Variants in CNTN5 observed in about 807,000 individuals in gnomAD.
CNTN5 encodes the protein contactin 5.
In CNTN5, 77 loss-of-function variants were observed where a neutral mutation model predicts 129.1. The observed-to-expected ratio is 0.60, with a 90% CI of 0.50 to 0.72. The LOEUF (loss-of-function observed/expected upper bound fraction) is 0.72. CNTN5 is among the 30% of genes least tolerant of loss of function. The probability of loss-of-function intolerance (pLI) is 0.00; values close to 1 mark genes in which losing one functional copy is unlikely to be tolerated. For missense variants in CNTN5, 1,478 were observed against 1,328.8 expected, an observed-to-expected ratio of 1.11 and a Z score of -1.75; for synonymous variants, 509 against 465.6, an observed-to-expected ratio of 1.09 and a Z score of -1.20.
intron 1 of CNTN5, among the ~76,000 whole-genome samples, chr11:99,126,790 A>T (rs1224372092): frequency 6.6e-6 from 1 of 152,172 alleles, no homozygotes; most frequent in African/African-American, 2.4e-5. Flanking sequence ...TCTCTCTAAT[A>T]GATATGTAGA....
intron 18 of CNTN5, among the ~76,000 whole-genome samples, chr11:100,291,633 G>A (rs1218779613): frequency 3.3e-5 from 5 of 151,730 alleles, no homozygotes; most frequent in Admixed American, 2.6e-4. Flanking sequence ...GATAGCATTG[G>A]GAGATATACC....
At chr11:99,643,554 T>C (rs1048474307) in intron 3 of CNTN5, among the ~76,000 whole-genome samples, 10 of 152,144 alleles carry the variant, frequency 6.6e-5, no homozygotes, top group African/African-American at 2.4e-4. Flanking sequence ...ACATATATTA[T>C]TTAGAACAAT....
chr11:99,621,081 G>T (rs183967672), intron 3 of CNTN5, among the ~76,000 whole-genome samples: 1 of 151,988 alleles, frequency 6.6e-6, no homozygotes, highest in African/African-American at 2.4e-5. Flanking sequence ...GTGGTAGAAC[G>T]GGCAACTATA....
At chr11:99,203,423 T>A (rs1859315378) in intron 1 of CNTN5, among the ~76,000 whole-genome samples, 1 of 152,202 alleles carries the variant, frequency 6.6e-6, no homozygotes, top group Non-Finnish European at 1.5e-5. Flanking sequence ...GTTCTGAAAA[T>A]ATAAGGATTT....
At chr11:99,304,723 A>G (rs946855260) in intron 1 of CNTN5, among the ~76,000 whole-genome samples, 16 of 152,200 alleles carry the variant, frequency 1.1e-4, no homozygotes, top group African/African-American at 3.6e-4. Flanking sequence ...CTTGATGTCC[A>G]GTGAGATTAA....
At chr11:99,182,536 C>T in intron 1 of CNTN5, among the ~76,000 whole-genome samples, 1 of 152,016 alleles carries the variant, frequency 6.6e-6, no homozygotes, top group South Asian at 2.1e-4. Context: ...AGGAGCTCTG[C>T]AATGCTGTGA....
chr11:99,032,793 T>C (rs1565261991), intron 1 of CNTN5, among the ~76,000 whole-genome samples: 1 of 148,780 alleles, frequency 6.7e-6, no homozygotes, highest in Non-Finnish European at 1.5e-5. Context: ...ATGTCAATTT[T>C]GGCTTTTGTT....
chr11:100,217,528 T>C (rs1949165433), intron 15 of CNTN5, among the ~76,000 whole-genome samples: 1 of 152,220 alleles, frequency 6.6e-6, no homozygotes, highest in African/African-American at 2.4e-5. Flanking sequence ...TATTACTAGC[T>C]ATTTACAAAG....
intron 13 of CNTN5, among the ~76,000 whole-genome samples, chr11:100,099,746 A>G (rs982483096): frequency 5.3e-5 from 8 of 151,896 alleles, no homozygotes; most frequent in Non-Finnish European, 1.5e-5. Flanking sequence ...TGAAGAATTC[A>G]TCATTATCTC....
At chr11:99,348,187 A>G (rs1938036448) in intron 2 of CNTN5, among the ~76,000 whole-genome samples, 1 of 152,138 alleles carries the variant, frequency 6.6e-6, no homozygotes, top group Non-Finnish European at 1.5e-5. Context: ...AAAATACAAA[A>G]AATTAGCCAG....
At chr11:99,458,607 G>A (rs1245358083) in intron 2 of CNTN5, among the ~76,000 whole-genome samples, 8 of 151,904 alleles carry the variant, frequency 5.3e-5, no homozygotes, top group African/African-American at 1.4e-4. Context: ...TCTGAAAACC[G>A]ATTTCCTTAA....
In CNTN5 at chr11:99,090,024, G is replaced by A. The variant is rs527546249; in HGVS notation, c.-210+68754G>A. 2.4e-4 allele frequency among the ~76,000 whole-genome samples: 37 copies of A among 152,226 alleles called. No homozygotes were observed. In the South Asian group the frequency reaches 6.6e-3, roughly 27 times the overall value. ...ATATACCACTTTTTAGAAAAATTCT[G>A]TTTCTCTTTTTGGAGTCTAATACCT... On this transcript the variant is annotated intron_variant, in intron 1 of 24. Coordinates refer to ENST00000524871, the MANE Select transcript of CNTN5 (RefSeq NM_014361.4).
chr11:100,288,649 G>C (rs1950865347), intron 18 of CNTN5, among the ~76,000 whole-genome samples: 2 of 151,406 alleles, frequency 1.3e-5, no homozygotes. Context: ...GCCCACAAGA[G>C]AAAGCAGGAA....
chr11:99,311,680 C>T (rs1046263888), intron 1 of CNTN5, among the ~76,000 whole-genome samples: 4 of 151,972 alleles, frequency 2.6e-5, no homozygotes, highest in Admixed American at 6.6e-5. Context: ...TTGAAATAAG[C>T]CTTTTTAAAA....
chr11:99,539,116 C>T (rs1026291280), intron 2 of CNTN5, among the ~76,000 whole-genome samples: 4 of 152,054 alleles, frequency 2.6e-5, no homozygotes, highest in Non-Finnish European at 4.4e-5. Flanking sequence ...ATAACTTGAA[C>T]TTCATACCAG....
rs187954393 is a variant in CNTN5, at chr11:99,836,787, C to T, written c.278-8065C>T. Among the ~76,000 whole-genome samples the T allele has an allele frequency of 3.9e-5, 6 of 152,330 alleles. No individual in the cohort carries two copies. The East Asian group carries it at 1.2e-3, about 29-fold the overall frequency. ...GTGTAAAAGCATTCCTATTTCTCCA[C>T]ATCCTCTCCAGCACCTGTTGTTTCC... is the stretch of plus-strand genomic sequence containing the variant. On this transcript the variant is annotated intron_variant, in intron 4 of 24. Coordinates refer to ENST00000524871, the MANE Select transcript of CNTN5 (RefSeq NM_014361.4).
At chr11:99,948,491 C>A (rs951234159) in intron 7 of CNTN5, among the ~76,000 whole-genome samples, 2 of 152,118 alleles carry the variant, frequency 1.3e-5, no homozygotes, top group Non-Finnish European at 2.9e-5. Flanking sequence ...CTAGACACCG[C>A]TCTAATTAGT....
At chr11:99,509,803 T>G (rs1946767156) in intron 2 of CNTN5, among the ~76,000 whole-genome samples, 1 of 151,990 alleles carries the variant, frequency 6.6e-6, no homozygotes, top group Admixed American at 6.6e-5. Flanking sequence ...TTTATTAATG[T>G]TATGAATTAA....
At chr11:99,714,559 A>T (rs1192399239) in intron 3 of CNTN5, among the ~76,000 whole-genome samples, 3 of 151,994 alleles carry the variant, frequency 2.0e-5, no homozygotes, top group Non-Finnish European at 4.4e-5. Context: ...ATTCTGTGCC[A>T]TGCTGGTTTT....
Sources: allele counts gnomAD v4.1 joint callset (sites outside exome capture counted in the v4.1 genomes callset), GRCh38; gene constraint gnomAD v4.1.1; transcripts MANE v1.5; gene names NCBI Gene and HGNC (gene_info 2026-07-23, HGNC 2026-07-21).